Variants in SLC25A48 observed in about 807,000 individuals in gnomAD.
The protein encoded by SLC25A48 is solute carrier family 25 member 48.
SLC25A48 carries 29 observed loss-of-function variants against 32.2 expected under a neutral mutation model. The ratio of observed to expected loss-of-function variants is 0.90; its 90% CI spans 0.67 to 1.23. The LOEUF (loss-of-function observed/expected upper bound fraction) is 1.23, where lower values mean the gene tolerates loss of function less well. SLC25A48 is among the 50% of genes most tolerant of loss of function. The pLI, the probability that SLC25A48 is intolerant of heterozygous loss-of-function variation, is 0.00. For synonymous variants in SLC25A48, 164 were observed against 172.3 expected, an observed-to-expected ratio of 0.95 and a Z score of 0.38; for missense variants, 399 against 422.7, an observed-to-expected ratio of 0.94 and a Z score of 0.49.
intron 3 of SLC25A48, among the ~76,000 whole-genome samples, chr5:135,796,826 G>A (rs1459785541): frequency 6.6e-6 from 1 of 151,582 alleles, no homozygotes; most frequent in Non-Finnish European, 1.5e-5. Context: ...TTGCACGGGT[G>A]TGTGCCACCA....
chr5:135,727,376 C>T (rs971606881), intron 3 of SLC25A48, among the ~76,000 whole-genome samples: 6 of 152,016 alleles, frequency 3.9e-5, no homozygotes, highest in East Asian at 1.9e-4. Flanking sequence ...TTTTAATCCT[C>T]CTAGCAGGGT....
chr5:135,853,117 T>C (rs961929254), intron 4 of SLC25A48, among the ~76,000 whole-genome samples: 1 of 152,230 alleles, frequency 6.6e-6, no homozygotes, highest in African/African-American at 2.4e-5. Flanking sequence ...TAAATAAGTA[T>C]ATATACCTTA....
intron 1 of SLC25A48, among the ~76,000 whole-genome samples, chr5:135,840,744 GTTCA>G (rs1758922068): frequency 6.6e-6 from 1 of 152,138 alleles, no homozygotes; most frequent in South Asian, 2.1e-4. Flanking sequence ...TGCATCAATA[GTTCA>G]TTTATTTTTA....
chr5:135,671,311 C>T (rs76754169), intron 3 of SLC25A48, among the ~76,000 whole-genome samples: 5,747 of 152,184 alleles, frequency 0.038, 136 homozygotes, highest in African/African-American at 0.067. Flanking sequence ...GCCTTTTTTC[C>T]TTTATGTAGC....
intron 7 of SLC25A48, among the ~76,000 whole-genome samples, chr5:135,881,868 A>G (rs981385446): frequency 1.3e-5 from 2 of 152,124 alleles, no homozygotes; most frequent in African/African-American, 2.4e-5. Flanking sequence ...CTCTTTTCCC[A>G]TTTAGTAGTT....
chr5:135,703,898 G>T (rs56152827), intron 3 of SLC25A48, among the ~76,000 whole-genome samples: 25,825 of 152,176 alleles, frequency 0.17, 2,287 homozygotes, highest in Middle Eastern at 0.29. Context: ...AAGATCTGGG[G>T]GGAAAGGACC....
intron 1 of SLC25A48, among the ~76,000 whole-genome samples, chr5:135,598,904 C>A (rs566173040): frequency 1.9e-4 from 29 of 152,284 alleles, no homozygotes; most frequent in African/African-American, 6.3e-4. Flanking sequence ...AGGAATGCTG[C>A]ACAGTTGCTG....
At chr5:135,847,568 A>T (rs549609173) in intron 2 of SLC25A48, among the ~76,000 whole-genome samples, 1 of 152,344 alleles carries the variant, frequency 6.6e-6, no homozygotes, top group Non-Finnish European at 1.5e-5. Flanking sequence ...ATCCTGGATT[A>T]TCAGGGAGGT....
chr5:135,852,872 CTGGTT>C (rs1462721502), intron 4 of SLC25A48, 51 bp downstream of exon 4: 1 of 1,564,902 alleles, frequency 6.4e-7, no homozygotes, highest in Non-Finnish European at 8.7e-7. Context: ...TGGCCCTTTC[CTGGTT>C]TGTGGGATCT....
rs141694005 is a variant in SLC25A48 at position 135,688,559 on chromosome 5, G to A, written c.-521+53603G>A. On this transcript the variant is annotated intron_variant, in intron 3 of 10. Transcript: ENST00000646290. ...AATTGCAAAATAACTTATTCCATGA[G>A]GGAACATTGCTATCCAGGGAATATT... is the stretch of plus-strand genomic sequence containing the variant. 9.4e-3 allele frequency among the ~76,000 whole-genome samples: 1,439 copies of A among 152,324 alleles called. 16 individuals are homozygous for A. The highest frequency in any genetic ancestry group is 0.014 in the Non-Finnish European group (943 of 68,022).
chr5:135,688,936 A>G (rs1754081008), intron 3 of SLC25A48, among the ~76,000 whole-genome samples: 1 of 152,208 alleles, frequency 6.6e-6, no homozygotes, highest in South Asian at 2.1e-4. Context: ...ACTGTGTTTC[A>G]ACTCTTCACA....
chr5:135,609,858 G>C (rs1221838031), intron 1 of SLC25A48: 4 of 152,206 alleles, frequency 2.6e-5, no homozygotes, highest in Non-Finnish European at 5.9e-5. Flanking sequence ...CCAGAAATTA[G>C]TGGTTATAGG....
At chr5:135,885,081 G>A (rs1319167361) in intron 7 of SLC25A48, among the ~76,000 whole-genome samples, 9 of 152,006 alleles carry the variant, frequency 5.9e-5, no homozygotes, top group African/African-American at 1.5e-4. Flanking sequence ...AGGGTACATC[G>A]CCAGCAGCCA....
At chr5:135,763,017 G>A (rs1329981949) in intron 3 of SLC25A48, among the ~76,000 whole-genome samples, 4 of 152,006 alleles carry the variant, frequency 2.6e-5, no homozygotes, top group Non-Finnish European at 2.9e-5. Flanking sequence ...TTCTGTGTGT[G>A]AGAGAGTGAA....
At position 135,764,673 on chromosome 5, in the gene SLC25A48, T is replaced by C. The variant is rs528615901; in HGVS notation, c.-520-47850T>C. 4.0e-3 allele frequency among the ~76,000 whole-genome samples: 574 copies of C among 143,948 alleles called. 3 individuals are homozygous for C. The highest frequency in any genetic ancestry group is 5.2e-3 in the Non-Finnish European group (344 of 65,666). 94.4% of individuals were successfully genotyped at this position (143,948 alleles called of 152,430 possible). On this transcript the variant is annotated intron_variant, in intron 3 of 10. Coordinates refer to the SLC25A48 transcript ENST00000646290. ...ATATTACTTCCCATATCGCAGAGGGTGTACACCACCCTGTGATACAATTCA... is the reference window on the plus strand; with the variant it reads ...ATATTACTTCCCATATCGCAGAGGGCGTACACCACCCTGTGATACAATTCA...
chr5:135,887,921 T>C (rs916824140), intron 7 of SLC25A48, 111 bp from the exon 8 acceptor site: 1 of 1,017,390 alleles, frequency 9.8e-7, no homozygotes, highest in Non-Finnish European at 1.5e-6. Flanking sequence ...TTTTGTAAAC[T>C]GTAAAGTGCA....
intron 1 of SLC25A48, 105 bp from the exon 2 acceptor site, chr5:135,842,311 C>A: frequency 8.4e-7 from 1 of 1,189,442 alleles, no homozygotes; most frequent in Non-Finnish European, 1.2e-6. Context: ...CCTACCCCAG[C>A]AATTGACCGT....
intron 1 of SLC25A48, among the ~76,000 whole-genome samples, chr5:135,620,917 C>T (rs779957965): frequency 1.3e-5 from 2 of 152,128 alleles, no homozygotes; most frequent in Non-Finnish European, 1.5e-5. Context: ...TTACCCCTTC[C>T]CCGCGTTAGG....
intron 1 of SLC25A48, among the ~76,000 whole-genome samples, chr5:135,627,063 G>C (rs745363648): frequency 2.0e-5 from 3 of 152,160 alleles, no homozygotes; most frequent in Non-Finnish European, 2.9e-5. Flanking sequence ...CCAGGATCAC[G>C]CAGAGGGAGG....
Sources: allele counts gnomAD v4.1 joint callset (sites outside exome capture counted in the v4.1 genomes callset), GRCh38; gene constraint gnomAD v4.1.1; transcripts MANE v1.5; gene names NCBI Gene and HGNC (gene_info 2026-07-23, HGNC 2026-07-21).